The following HMCN1 variants were observed in gnomAD, a reference collection of about 807,000 sequenced individuals.
The protein encoded by HMCN1 is hemicentin 1.
Under a neutral mutation model 625.9 loss-of-function variants are expected in HMCN1, and 321 were observed. That is an observed-to-expected ratio of 0.51 (90% CI 0.47 to 0.56). The LOEUF is 0.56. HMCN1 is among the 20% of genes least tolerant of loss of function. The probability of loss-of-function intolerance (pLI) is 0.00; values close to 1 mark genes in which losing one functional copy is unlikely to be tolerated. For missense variants in HMCN1, 6,588 were observed against 6,887.3 expected (o/e 0.96, Z 1.54); for synonymous variants, 2,425 against 2,417.6 (o/e 1.00, Z -0.09).
At chr1:185,787,654 GTTAA>G (rs10529778) in intron 1 of HMCN1, among the ~76,000 whole-genome samples, 12,411 of 150,100 alleles carry the variant, frequency 0.083, 1,640 homozygotes, top group African/African-American at 0.29. Flanking sequence ...GAAATCTTGA[GTTAA>G]GTTAACAAAG....
In HMCN1 at chr1:186,120,149, C is replaced by G; in HGVS notation, c.12229+4C>G. 1.2e-6 allele frequency: 2 copies of G among 1,613,488 alleles called. No homozygotes were observed. Among genetic ancestry groups the G allele is most frequent in the South Asian group, 2.2e-5 (2 of 91,038 alleles). On this transcript the variant is annotated splice_donor_region_variant and intron_variant, in intron 80 of 106. Transcript: ENST00000271588. ...AAAATCAAGTTAAATGTCCAAGGTA[C>G]CTAAATAATTCATCTCTGTTTTCAA... is the stretch of plus-strand genomic sequence containing the variant.
intron 69 of HMCN1, among the ~76,000 whole-genome samples, chr1:186,106,251 C>T (rs191436748): frequency 1.4e-3 from 217 of 152,310 alleles, no homozygotes; most frequent in African/African-American, 5.0e-3. Context: ...GTTGTGTCTA[C>T]ACAATCTCAA....
Position 186,004,804 on chromosome 1 carries a change from T to C in HMCN1, c.4475+960T>C, listed in dbSNP as rs562974462. Among the ~76,000 whole-genome samples, 5 of 152,240 alleles carry C rather than the reference T, an allele frequency of 3.3e-5. No homozygotes were observed. The South Asian group carries it at 1.0e-3, about 32-fold the overall frequency. On this transcript the variant is annotated intron_variant, in intron 29 of 106. Coordinates refer to ENST00000271588, the MANE Select transcript of HMCN1 (RefSeq NM_031935.3). ...TCATGCATATCCACAGAGAGGCTTGTACATTGATATTTACTGCAACACTGT... is the reference window on the plus strand; with the variant it reads ...TCATGCATATCCACAGAGAGGCTTGCACATTGATATTTACTGCAACACTGT...
chr1:185,996,604 C>T (rs1279824906), intron 24 of HMCN1, among the ~76,000 whole-genome samples: 1 of 151,946 alleles, frequency 6.6e-6, no homozygotes, highest in African/African-American at 2.4e-5. Context: ...CTAGAGAAGA[C>T]AAGGGAAACT....
At chr1:185,777,492 G>T (rs557546254) in intron 1 of HMCN1, among the ~76,000 whole-genome samples, 2 of 150,848 alleles carry the variant, frequency 1.3e-5, no homozygotes, top group Non-Finnish European at 2.9e-5. Context: ...TCGCTCTGTC[G>T]CCAGGCTGGA....
At chr1:185,997,655 C>T (rs1293849979) in intron 25 of HMCN1, 131 bp downstream of exon 25, 2 of 706,008 alleles carry the variant, frequency 2.8e-6, no homozygotes, top group East Asian at 2.7e-5. Context: ...ATAATAGAAA[C>T]TAACCCATTT....
intron 2 of HMCN1, among the ~76,000 whole-genome samples, chr1:185,847,349 G>A (rs1374566642): frequency 1.3e-5 from 2 of 152,100 alleles, no homozygotes; most frequent in East Asian, 3.9e-4. Context: ...CTCCCATGAT[G>A]TTACTATGTT....
At chr1:186,140,317 A>C (rs1649874697) in intron 89 of HMCN1, among the ~76,000 whole-genome samples, 3 of 152,042 alleles carry the variant, frequency 2.0e-5, no homozygotes, top group South Asian at 4.1e-4. Context: ...AAATTTTCTC[A>C]GTCTCTTTTT....
chr1:185,813,847 A>G (rs1345451608), intron 1 of HMCN1, among the ~76,000 whole-genome samples: 1 of 152,184 alleles, frequency 6.6e-6, no homozygotes, highest in African/African-American at 2.4e-5. Flanking sequence ...TATGCTAACA[A>G]AATACACACA....
chr1:186,154,090 G>T, intron 97 of HMCN1, 103 bp downstream of exon 97: 1 of 932,032 alleles, frequency 1.1e-6, no homozygotes, highest in Non-Finnish European at 1.7e-6. Context: ...ATGATATCAG[G>T]TTTTTCATGT....
chr1:185,758,048 G>A (rs865990541), intron 1 of HMCN1, among the ~76,000 whole-genome samples: 1 of 152,194 alleles, frequency 6.6e-6, no homozygotes, highest in South Asian at 2.1e-4. Flanking sequence ...ACGGATAGAA[G>A]AGGCAGTGCT....
chr1:185,887,374 G>A (rs1471308896), intron 4 of HMCN1, among the ~76,000 whole-genome samples: 4 of 151,278 alleles, frequency 2.6e-5, no homozygotes, highest in East Asian at 1.9e-4. Context: ...AGTTACATAC[G>A]TATACATGTG....
chr1:186,167,424 CCTCA>C (rs1485686987), intron 100 of HMCN1, among the ~76,000 whole-genome samples: 2 of 152,184 alleles, frequency 1.3e-5, no homozygotes, highest in Non-Finnish European at 1.5e-5. Flanking sequence ...ACACAGCCTT[CCTCA>C]CTATCAATAT....
intron 40 of HMCN1, among the ~76,000 whole-genome samples, chr1:186,044,976 T>C (rs572985333): frequency 3.9e-5 from 6 of 152,312 alleles, no homozygotes; most frequent in South Asian, 2.1e-4. Flanking sequence ...ACAAGACTTA[T>C]ATAGCCAGGG....
Position 186,019,596 on chromosome 1 carries a change from G to T in HMCN1, c.5526G>T (p.Lys1842Asn), listed in dbSNP as rs1452702621. 3 of 1,610,110 alleles carry T rather than the reference G, an allele frequency of 1.9e-6. No individual in the cohort carries two copies. The highest frequency in any genetic ancestry group is 2.5e-6 in the Non-Finnish European group (3 of 1,176,752). ...CTGAGAGAGTTGTGGTAAAATACAAGCCTGTCGCCTTGCAGTGCATAGCCA... is the reference window on the plus strand; with the variant it reads ...CTGAGAGAGTTGTGGTAAAATACAATCCTGTCGCCTTGCAGTGCATAGCCA... ...GLSERVVVKY[K>N]PVALQCIANG... Residue 1842 changes from lysine (K) to asparagine (N), a missense_variant, in exon 35 of 107, where the codon AAG (lysine) becomes AAT (asparagine). By Grantham distance (94) the Lys-to-Asn change is moderately conservative. This residue lies in a region of HMCN1 where 4,628 missense variants were observed against 4,853.1 expected (regional missense o/e 0.95). Transcript: ENST00000271588.
chr1:185,851,805 A>AC (rs71557836), intron 2 of HMCN1, among the ~76,000 whole-genome samples: 114 of 151,136 alleles, frequency 7.5e-4, no homozygotes, highest in South Asian at 1.7e-3. Flanking sequence ...GTAAACACAC[A>AC]CCCCCCCCAA....
At chr1:186,020,486 G>C (rs547602567) in intron 35 of HMCN1, among the ~76,000 whole-genome samples, 43 of 151,926 alleles carry the variant, frequency 2.8e-4, no homozygotes, top group African/African-American at 1.0e-3. Flanking sequence ...TCACATCTTT[G>C]TGCAAGTGAA....
In HMCN1 at chr1:186,016,250, A is replaced by T. The variant is rs371103575; in HGVS notation, c.5191+11A>T. ...AAGTTGATGTCTTGGGTAAATAAGG[A>T]TGCCACTGCCTGGGTTCTCAGATTC... On this transcript the variant is annotated intron_variant, in intron 32 of 106. Transcript: ENST00000271588. 157 of 1,610,002 alleles carry T rather than the reference A, an allele frequency of 9.8e-5. No individual in the cohort carries two copies. The highest frequency in any genetic ancestry group is 1.2e-4 in the Non-Finnish European group (146 of 1,176,840).
At chr1:185,954,804 C>G (rs1276435716) in intron 11 of HMCN1, among the ~76,000 whole-genome samples, 2 of 152,064 alleles carry the variant, frequency 1.3e-5, no homozygotes, top group Non-Finnish European at 2.9e-5. Flanking sequence ...CAGACCACAC[C>G]TAACAATATA....
Sources: gnomAD v4.1 joint callset for allele counts (sites outside exome capture counted in the v4.1 genomes callset) on GRCh38, gnomAD v4.1.1 for gene constraint, gnomAD v4.1.1 regional missense constraint, MANE v1.5 for transcripts, NCBI Gene and HGNC (gene_info 2026-07-23, HGNC 2026-07-21) for gene names.